The following PKD1L1 variants were observed in gnomAD, a reference collection of about 807,000 sequenced individuals.
PKD1L1 encodes the protein polycystin 1 like 1, transient receptor potential channel interacting, also known as polycystin-1-like protein 1.
A neutral mutation model predicts 323.4 loss-of-function variants in PKD1L1; 236 were observed. The observed-to-expected ratio is 0.73, with a 90% CI of 0.66 to 0.81. The LOEUF is 0.81. Among genes scored for constraint, PKD1L1 ranks in the 40% least tolerant of loss-of-function variants. The pLI is 0.00. For missense variants in PKD1L1, 3,320 were observed against 3,508.0 expected (o/e 0.95, Z 1.35); for synonymous variants, 1,344 against 1,335.0 (o/e 1.01, Z -0.15).
At position 47,809,543 on chromosome 7, in the gene PKD1L1, CAG is replaced by C. The variant is rs1562940212; in HGVS notation, c.7614_7615del (p.Val2540SerfsTer48). On this transcript the variant is annotated frameshift_variant, in exon 51 of 57. Transcript: ENST00000289672. LOFTEE classifies it high-confidence loss of function. ...GTCCATCATACGGTAGAGTTGAACA[CAG>C]AGGTGGATCAGGCTGAGTGCCAGGA... is the stretch of plus-strand genomic sequence containing the variant. 2 of 1,608,154 alleles carry C rather than the reference CAG, an allele frequency of 1.2e-6. No homozygotes were observed. The highest frequency in any genetic ancestry group is 1.7e-6 in the Non-Finnish European group (2 of 1,177,724).
At chr7:47,778,465 T>C (rs1162613240) in intron 56 of PKD1L1, among the ~76,000 whole-genome samples, 1 of 152,174 alleles carries the variant, frequency 6.6e-6, no homozygotes, top group East Asian at 1.9e-4. Context: ...GTGAGTCACA[T>C]GGAGGAGATA....
intron 7 of PKD1L1, among the ~76,000 whole-genome samples, chr7:47,923,299 G>T (rs557728585): frequency 7.0e-6 from 1 of 142,460 alleles, no homozygotes; most frequent in African/African-American, 2.7e-5. Flanking sequence ...CCAAATCCCC[G>T]TCTCCGAGAA....
At position 47,931,125 on chromosome 7, in the gene PKD1L1, T is replaced by C; in HGVS notation, c.716A>G (p.His239Arg). 1.2e-6 allele frequency: 2 copies of C among 1,613,890 alleles called. No individual in the cohort carries two copies. Among genetic ancestry groups the C allele is most frequent in the Non-Finnish European group, 1.7e-6 (2 of 1,179,886 alleles). Residue 239 changes from histidine to arginine, a missense_variant, in exon 6 of 57, where the codon CAT becomes CGT. Coordinates refer to ENST00000289672, the MANE Select transcript of PKD1L1 (RefSeq NM_138295.5). The part of the protein sequence containing the change: ...SQRVPLWPIS[H>R]FPTSPRSSHG... ...GTACCTTCTGGGAGAAGTGGGAAAA[T>C]GTGAAATCGGCCACAGGGGCACTCG...
Position 47,917,539 on chromosome 7 carries a change from C to T in PKD1L1, c.1061-1940G>A, listed in dbSNP as rs114921044. ...CCTAGGCACATTGTCATTGAGTTAT[C>T]TAAAGTTAAGATGAAGGAAAGAATC... On this transcript the variant is annotated intron_variant, in intron 7 of 56. Coordinates refer to ENST00000289672, the MANE Select transcript of PKD1L1 (RefSeq NM_138295.5). 1.4e-3 allele frequency among the ~76,000 whole-genome samples: 208 copies of T among 152,230 alleles called. 3 individuals carry two copies. The highest frequency in any genetic ancestry group is 9.3e-3 in the South Asian group (45 of 4,818).
the PKD1L1 span, among the ~76,000 whole-genome samples, chr7:47,957,630 T>C: frequency 6.6e-6 from 1 of 151,970 alleles, no homozygotes; most frequent in African/African-American, 2.4e-5. Context: ...CACCTCAGCC[T>C]CCCAAGTAGT....
chr7:47,811,736 T>G (rs1784900400), intron 50 of PKD1L1, 81 bp downstream of exon 50: 1 of 1,150,090 alleles, frequency 8.7e-7, no homozygotes, highest in African/African-American at 1.5e-5. Flanking sequence ...GAACTAGTCC[T>G]GTCTGGTGGA....
intron 44 of PKD1L1, among the ~76,000 whole-genome samples, chr7:47,827,910 C>T (rs1025215809): frequency 1.3e-5 from 2 of 152,182 alleles, no homozygotes; most frequent in Non-Finnish European, 2.9e-5. Context: ...TACTTTCATA[C>T]TCTGTTCGTG....
At chr7:47,784,471 A>G (rs1419712196) in intron 56 of PKD1L1, among the ~76,000 whole-genome samples, 1 of 152,070 alleles carries the variant, frequency 6.6e-6, no homozygotes, top group Non-Finnish European at 1.5e-5. Flanking sequence ...TGAGTAATAC[A>G]ATAGCTTCTT....
At chr7:47,832,258 C>T (rs569992521) in intron 41 of PKD1L1, among the ~76,000 whole-genome samples, 6 of 152,326 alleles carry the variant, frequency 3.9e-5, no homozygotes, top group African/African-American at 7.2e-5. Context: ...CCAGTGTCAG[C>T]CTTGCACTCC....
chr7:47,904,455 T>C lies in PKD1L1; in HGVS notation c.1854A>G (p.Thr618=). The C allele has an allele frequency of 1.2e-6, 2 of 1,614,216 alleles. No homozygotes were observed. The highest frequency in any genetic ancestry group is 2.2e-5 in the South Asian group (2 of 91,086). The change falls in exon 12 of 57, where the codon ACA becomes ACG. Residue 618 remains threonine (T), a synonymous_variant. Transcript: ENST00000289672. ...CAAAGTCCCACAGGTAGGCAACATC[T>C]GTGCCGAAGTTGATCCAGCACTCAA... ...VAFECWINFG[T]DVAYLWDFGD...
intron 52 of PKD1L1, 22 bp downstream of exon 52, chr7:47,808,225 T>C (rs1012138475): frequency 1.1e-5 from 17 of 1,613,336 alleles, no homozygotes; most frequent in Non-Finnish European, 1.4e-5. Context: ...TCTATCTGCA[T>C]GGCCCTGAGC....
chr7:47,945,345 AGT>A (rs1788073234), intron 1 of PKD1L1, among the ~76,000 whole-genome samples: 1 of 152,188 alleles, frequency 6.6e-6, no homozygotes, highest in Admixed American at 6.5e-5. Context: ...AAAACTGGAT[AGT>A]TTCACCCAAT....
chr7:47,948,296 G>A (rs1479090828), intron 1 of PKD1L1, 101 bp downstream of exon 1: 3 of 1,387,970 alleles, frequency 2.2e-6, no homozygotes, highest in Non-Finnish European at 3.0e-6. Context: ...TCGTGCCAGA[G>A]TGAGCCCACA....
Position 47,905,793 on chromosome 7 carries a change from A to C in PKD1L1, c.1522+50T>G, listed in dbSNP as rs1226962836. On this transcript the variant is annotated intron_variant, in intron 10 of 56. Coordinates refer to ENST00000289672, the MANE Select transcript of PKD1L1 (RefSeq NM_138295.5). The stretch of plus-strand genomic sequence containing the variant: ...CCTACGGCTTTCCTAATCTCAGCTG[A>C]CTGCGCGAGGGAGGTTTTTGTTAAA... 4 of 1,603,150 alleles carry C rather than the reference A, an allele frequency of 2.5e-6. No individual in the cohort carries two copies. The South Asian group carries it at 4.5e-5, about 18-fold the overall frequency.
chr7:47,932,418 G>A (rs1172315682), intron 4 of PKD1L1, among the ~76,000 whole-genome samples: 2 of 152,218 alleles, frequency 1.3e-5, no homozygotes, highest in African/African-American at 4.8e-5. Context: ...GGAACATACT[G>A]TGGTGCAGTG....
Position 47,774,892 on chromosome 7 carries a change from A to G in PKD1L1, c.*251T>C, listed in dbSNP as rs1786533686. 1 of 427,102 alleles carries G rather than the reference A, an allele frequency of 2.3e-6. No homozygotes were observed. Among genetic ancestry groups the G allele is most frequent in the Non-Finnish European group, 4.2e-6 (1 of 239,284 alleles). The allele number at this position is 427,102 out of a possible 1,614,324, so 26.5% of individuals were successfully genotyped here. A position where few individuals can be genotyped will look rare whatever the true frequency, so the allele number is the denominator to read the frequency against. ...ACTGGCAAATTAACCATTTGGGAGA[A>G]GGCTGGAGTTAGAATCTTGTCCCAC... On this transcript the variant is annotated 3_prime_UTR_variant, in exon 57 of 57. Coordinates refer to ENST00000289672, the MANE Select transcript of PKD1L1 (RefSeq NM_138295.5).
chr7:47,846,712 G>A (rs530401981), intron 32 of PKD1L1, among the ~76,000 whole-genome samples, 167 bp downstream of exon 32: 4 of 152,316 alleles, frequency 2.6e-5, no homozygotes, highest in South Asian at 2.1e-4. Flanking sequence ...GCTGACACAC[G>A]AACTGGCTAT....
At chr7:47,780,065 A>G (rs1490398783) in intron 56 of PKD1L1, among the ~76,000 whole-genome samples, 2 of 152,036 alleles carry the variant, frequency 1.3e-5, no homozygotes, top group Admixed American at 1.3e-4. Flanking sequence ...CTGTAGATTC[A>G]CACACAGTTG....
intron 8 of PKD1L1, among the ~76,000 whole-genome samples, chr7:47,910,408 T>A (rs1223184450): frequency 1.3e-5 from 2 of 149,514 alleles, no homozygotes; most frequent in African/African-American, 4.9e-5. Context: ...GATCTTGGCT[T>A]ACTGCAAGCT....
Sources: gnomAD v4.1 joint callset for allele counts (sites outside exome capture counted in the v4.1 genomes callset) on GRCh38, gnomAD v4.1.1 for gene constraint, MANE v1.5 for transcripts, NCBI Gene and HGNC (gene_info 2026-07-23, HGNC 2026-07-21) for gene names.